IQGAP3: variants seen among roughly 807,000 people sequenced by gnomAD.
The protein encoded by IQGAP3 is IQ motif containing GTPase activating protein 3.
In IQGAP3, 165 loss-of-function variants were observed where a neutral mutation model predicts 208.2. That is an observed-to-expected ratio of 0.79 (90% CI 0.70 to 0.90). The LOEUF is 0.90. Among genes scored for constraint, IQGAP3 ranks in the 40% least tolerant of loss-of-function variants. IQGAP3 has a pLI of 0.00. For missense variants in IQGAP3, 1,811 were observed against 2,043.1 expected (o/e 0.89, Z 2.19); for synonymous variants, 703 against 803.6 (o/e 0.87, Z 2.12).
At chr1:156,546,891 C>T (rs1675268673) in intron 19 of IQGAP3, among the ~76,000 whole-genome samples, 1 of 152,212 alleles carries the variant, frequency 6.6e-6, no homozygotes, top group Non-Finnish European at 1.5e-5. Context: ...TCATGTCCCT[C>T]CTATCACAAT....
chr1:156,539,574 GCACTT>G, intron 24 of IQGAP3, 37 bp from the exon 25 acceptor site: 1 of 1,603,664 alleles, frequency 6.2e-7, no homozygotes. Flanking sequence ...GGCTGACCAT[GCACTT>G]CAAGGACCAG....
At chr1:156,533,955 G>A (rs1557919675) in intron 30 of IQGAP3, 54 bp downstream of exon 30, 1 of 1,608,974 alleles carries the variant, frequency 6.2e-7, no homozygotes, top group East Asian at 2.2e-5. Context: ...CCCCATCACA[G>A]GCTACCAAAC....
intron 22 of IQGAP3, among the ~76,000 whole-genome samples, chr1:156,542,365 T>C (rs894226142): frequency 5.3e-5 from 8 of 152,216 alleles, no homozygotes; most frequent in African/African-American, 1.9e-4. Flanking sequence ...AATTTTTGTA[T>C]CTTTAGTAGA....
At chr1:156,557,278 CCGGG>C (rs1675866121) in intron 11 of IQGAP3, among the ~76,000 whole-genome samples, 1 of 7,538 alleles carries the variant, frequency 1.3e-4, no homozygotes, top group Admixed American at 3.8e-3. Context: ...GCCGCCCCGT[CCGGG>C]AGGGAGGTGG....
rs202212124 is a variant in IQGAP3, at chr1:156,550,309, G to T, written c.1777C>A (p.Arg593Ser). 6.2e-7 allele frequency: 1 copy of T among 1,613,946 alleles called. No homozygotes were observed. The highest frequency in any genetic ancestry group is 8.5e-7 in the Non-Finnish European group (1 of 1,179,904). Residue 593 changes from arginine to serine, a missense_variant, in exon 16 of 38, where the codon CGC becomes AGC. Physicochemically the swap from Arg to Ser is moderately radical, Grantham distance 110. Coordinates refer to ENST00000361170, the MANE Select transcript of IQGAP3 (RefSeq NM_178229.5). ...TGGTTGGCTCTGACCACTCCCTGGC[G>T]GATCTCCTCAAGCCACAGCACAGCT... ...PGAVLWLEEI[R>S]QGVVRANQDT... is the part of the protein sequence containing the mutation.
At chr1:156,528,740 G>A in intron 35 of IQGAP3, 130 bp from the exon 36 acceptor site, 1 of 1,017,068 alleles carries the variant, frequency 9.8e-7, no homozygotes, top group East Asian at 2.6e-5. Flanking sequence ...AGAGGAGGGG[G>A]GCTGCACTTG....
Position 156,563,834 on chromosome 1 carries a change from A to G in IQGAP3, c.438-10T>C. The G allele has an allele frequency of 6.2e-7, 1 of 1,612,938 alleles. No individual in the cohort carries two copies. The stretch of plus-strand genomic sequence containing the variant: ...CCGGAAGAGGAAGAGACTAGGAAAA[A>G]ACGGAAGGCATTGGAAGGCACTGGG... On this transcript the variant is annotated splice_polypyrimidine_tract_variant and intron_variant, in intron 5 of 37. Transcript: ENST00000361170.
At chr1:156,562,131 G>A (rs1478106525) in intron 9 of IQGAP3, 130 bp from the exon 10 acceptor site, 16 of 865,064 alleles carry the variant, frequency 1.8e-5, no homozygotes, top group Non-Finnish European at 2.8e-5. Context: ...CTTGGTTCCT[G>A]GGCCCATTTG....
chr1:156,534,939 A>C (rs914546131), intron 28 of IQGAP3, among the ~76,000 whole-genome samples: 16 of 152,178 alleles, frequency 1.1e-4, no homozygotes, highest in Non-Finnish European at 1.9e-4. Flanking sequence ...ATCTCCTGAC[A>C]AGAAGCCAGT....
intron 19 of IQGAP3, among the ~76,000 whole-genome samples, chr1:156,545,084 C>T (rs1200774245): frequency 6.6e-6 from 1 of 150,726 alleles, no homozygotes; most frequent in East Asian, 1.9e-4. Flanking sequence ...CCCTAGTTCT[C>T]AGCAAATCTT....
chr1:156,551,813 C>T lies in IQGAP3; in HGVS notation c.1626G>A (p.Lys542=), dbSNP rs774269960. ...CAGGAAGCAGTAGGGCAGACAGAGT[C>T]TTCTCAGGGCTGCCTTTGTCCAGAG... ...NEALDKGSPE[K]TLSALLLPAA... is the part of the protein sequence containing the mutation. Residue 542 remains lysine (K), a synonymous_variant, in exon 15 of 38, where the codon AAG becomes AAA. Transcript: ENST00000361170. 18 of 1,613,740 alleles carry T rather than the reference C, an allele frequency of 1.1e-5. No individual in the cohort carries two copies. The Admixed American group carries it at 3.0e-4, about 27-fold the overall frequency.
chr1:156,572,443 C>T (rs1166449465), intron 1 of IQGAP3, 50 bp downstream of exon 1: 2 of 1,589,970 alleles, frequency 1.3e-6, no homozygotes, highest in South Asian at 1.1e-5. Flanking sequence ...GCCAAGCCCC[C>T]GACCAGCGGC....
At position 156,527,840 on chromosome 1, in the gene IQGAP3, A is replaced by G. The variant is rs1674175564; in HGVS notation, c.4782+112T>C. 4.3e-6 allele frequency: 3 copies of G among 702,174 alleles called. No homozygotes were observed. The East Asian group carries it at 7.7e-5, about 18-fold the overall frequency. 43.5% of individuals were successfully genotyped at this position (702,174 alleles called of 1,614,324 possible). ...GGAACAGACGATACTGATTGGGTGAAAAACTGAGCTGGTGTCATCTGAGGA... is the reference window on the plus strand; with the variant it reads ...GGAACAGACGATACTGATTGGGTGAGAAACTGAGCTGGTGTCATCTGAGGA... On this transcript the variant is annotated intron_variant, in intron 37 of 37. Transcript: ENST00000361170.
chr1:156,533,387 G>T (rs1674519281), intron 31 of IQGAP3, among the ~76,000 whole-genome samples: 1 of 152,102 alleles, frequency 6.6e-6, no homozygotes, highest in African/African-American at 2.4e-5. Flanking sequence ...GAGGAGCTGT[G>T]CCTCCCTGAG....
chr1:156,562,025 G>A (rs1676177349), intron 9 of IQGAP3, 24 bp from the exon 10 acceptor site: 4 of 1,579,518 alleles, frequency 2.5e-6, no homozygotes, highest in Admixed American at 1.8e-5. Flanking sequence ...ACTCCATAAT[G>A]GACAGTGTGA....
At chr1:156,547,289 A>G (rs775966443) in intron 19 of IQGAP3, among the ~76,000 whole-genome samples, 3 of 151,504 alleles carry the variant, frequency 2.0e-5, no homozygotes, top group Non-Finnish European at 4.4e-5. Flanking sequence ...AGGATATTCC[A>G]CCCCTTTTCT....
intron 1 of IQGAP3, among the ~76,000 whole-genome samples, chr1:156,569,969 A>G (rs1676575731): frequency 6.6e-6 from 1 of 152,042 alleles, no homozygotes; most frequent in African/African-American, 2.4e-5. Context: ...CTCTGTAGCC[A>G]TCTTCCTGTC....
At chr1:156,564,970 A>T (rs1276080164) in intron 4 of IQGAP3, among the ~76,000 whole-genome samples, 1 of 152,312 alleles carries the variant, frequency 6.6e-6, no homozygotes. Flanking sequence ...AGGCTACAGG[A>T]TATAAGCCAT....
intron 27 of IQGAP3, chr1:156,536,760 T>C (rs1222587937): frequency 1.3e-5 from 2 of 156,794 alleles, no homozygotes; most frequent in Admixed American, 6.2e-5. Flanking sequence ...ACAATTATCA[T>C]GTGTCAAAAA....
Sources: gnomAD v4.1 joint callset for allele counts (sites outside exome capture counted in the v4.1 genomes callset) on GRCh38, gnomAD v4.1.1 for gene constraint, MANE v1.5 for transcripts, NCBI Gene and HGNC (gene_info 2026-07-23, HGNC 2026-07-21) for gene names.